The following CA12 variants were observed in gnomAD, a reference collection of about 807,000 sequenced individuals.
CA12 encodes carbonic anhydrase 12, also known as carbonate dehydratase XII.
Under a neutral mutation model 46.8 loss-of-function variants are expected in CA12, and 36 were observed. That is an observed-to-expected ratio of 0.77 (90% CI 0.59 to 1.02). CA12 has a LOEUF of 1.02. Ranked by LOEUF, CA12 falls within the 50% of genes least tolerant of loss-of-function variation. CA12 has a pLI of 0.00. For missense variants in CA12, 436 were observed against 451.4 expected (o/e 0.97, Z 0.31); for synonymous variants, 202 against 187.0 (o/e 1.08, Z -0.65).
chr15:63,355,449 C>T lies in CA12; in HGVS notation c.107-8740G>A, dbSNP rs760592826. 2.6e-5 allele frequency among the ~76,000 whole-genome samples: 4 copies of T among 152,206 alleles called. No homozygotes were observed. Among genetic ancestry groups the T allele is most frequent in the South Asian group, 2.1e-4 (1 of 4,826 alleles). On this transcript the variant is annotated intron_variant, in intron 2 of 10. Coordinates refer to ENST00000178638, the MANE Select transcript of CA12 (RefSeq NM_001218.5). The surrounding 1 kb of genome is among the most constrained non-coding windows in gnomAD (Gnocchi z 4.1). The stretch of plus-strand genomic sequence containing the variant: ...GGAACTCATTCAAAATGCAGAGTCT[C>T]GGGCCCCACCCCAGGCCTACCGAAC...
At chr15:63,338,068 T>C (rs983645925) in intron 8 of CA12, among the ~76,000 whole-genome samples, 3 of 152,178 alleles carry the variant, frequency 2.0e-5, no homozygotes, top group African/African-American at 7.2e-5. Context: ...TTTCCCCTGA[T>C]GCCCAGTTTC....
At chr15:63,338,789 C>T (rs781269581) in intron 8 of CA12, 30 bp downstream of exon 8, 20 of 1,612,870 alleles carry the variant, frequency 1.2e-5, no homozygotes, top group Middle Eastern at 1.8e-4. Context: ...CACTCCCGCA[C>T]CCCCTCCCCC....
rs180944634 is a variant in CA12 at position 63,345,723 on chromosome 15, G to A, written c.287-104C>T. ...CCTCCACCCCTGCTGCCACCCCCTGGAGCCCAGAGAGAGGCAGGTGGATGG... is the reference window on the plus strand; with the variant it reads ...CCTCCACCCCTGCTGCCACCCCCTGAAGCCCAGAGAGAGGCAGGTGGATGG... On this transcript the variant is annotated intron_variant, in intron 3 of 10. Transcript: ENST00000178638. The surrounding 1 kb of genome is among the most constrained non-coding windows in gnomAD (Gnocchi z 4.3). The A allele has an allele frequency of 1.0e-4, 147 of 1,433,692 alleles. No individual in the cohort carries two copies. The East Asian group carries it at 3.6e-3, about 35-fold the overall frequency. 88.8% of individuals were successfully genotyped at this position (1,433,692 alleles called of 1,614,324 possible).
rs889434012 is a variant in CA12, at chr15:63,329,433, C to T, written c.875-1303G>A. On this transcript the variant is annotated intron_variant, in intron 8 of 10. Coordinates refer to ENST00000178638, the MANE Select transcript of CA12 (RefSeq NM_001218.5). This position sits in a 1 kb window ranked among gnomAD's most constrained non-coding sequence, Gnocchi z 4.8. Reference sequence around the variant, plus strand: ...GAGCAGAGGATCCCAGTCATGAAGTCTCCCCTGAAAACCCTCAGCCTGTTT... The same window carrying T: ...GAGCAGAGGATCCCAGTCATGAAGTTTCCCCTGAAAACCCTCAGCCTGTTT... Among the ~76,000 whole-genome samples, 1 of 152,182 alleles carries T rather than the reference C, an allele frequency of 6.6e-6. No homozygotes were observed. The highest frequency in any genetic ancestry group is 1.5e-5 in the Non-Finnish European group (1 of 68,038).
At chr15:63,365,285 C>T (rs1045383554) in intron 2 of CA12, among the ~76,000 whole-genome samples, 1 of 152,264 alleles carries the variant, frequency 6.6e-6, no homozygotes, top group Non-Finnish European at 1.5e-5. Flanking sequence ...CAAATCTACA[C>T]TATTTACTCT....
At chr15:63,326,675 C>A (rs546005289) in intron 10 of CA12, among the ~76,000 whole-genome samples, 8 of 150,374 alleles carry the variant, frequency 5.3e-5, no homozygotes, top group South Asian at 2.1e-4. Flanking sequence ...ATTTTTCATA[C>A]CCCCCCCAAA....
At chr15:63,362,966 C>T (rs1361151825) in intron 2 of CA12, among the ~76,000 whole-genome samples, 2 of 152,136 alleles carry the variant, frequency 1.3e-5, no homozygotes, top group African/African-American at 4.8e-5. Context: ...GCTATGTGAC[C>T]TAGGGCACAT....
rs1025348117 is a variant in CA12 at position 63,354,500 on chromosome 15, G to T, written c.107-7791C>A. On this transcript the variant is annotated intron_variant, in intron 2 of 10. Coordinates refer to ENST00000178638, the MANE Select transcript of CA12 (RefSeq NM_001218.5). Reference sequence around the variant, plus strand: ...AAATCTCCCCTTGGGGAGGCAGGAGGATCAGTTGAGCCCAGGAGTTTGAGA... The same window carrying T: ...AAATCTCCCCTTGGGGAGGCAGGAGTATCAGTTGAGCCCAGGAGTTTGAGA... Among the ~76,000 whole-genome samples, 10 of 152,164 alleles carry T rather than the reference G, an allele frequency of 6.6e-5. No individual in the cohort carries two copies. The South Asian group carries it at 1.0e-3, about 16-fold the overall frequency.
In CA12 at chr15:63,328,249, T is replaced by C. The variant is rs577223337; in HGVS notation, c.875-119A>G. On this transcript the variant is annotated intron_variant, in intron 8 of 10. Coordinates refer to ENST00000178638, the MANE Select transcript of CA12 (RefSeq NM_001218.5). The surrounding 1 kb of genome is among the most constrained non-coding windows in gnomAD (Gnocchi z 5.9). Reference sequence around the variant, plus strand: ...TCTTAGGCTGACAGACCTCTAGGGATGTCCACCCTTGGCTCAGGGATTGCC... The same window carrying C: ...TCTTAGGCTGACAGACCTCTAGGGACGTCCACCCTTGGCTCAGGGATTGCC... 4 of 881,724 alleles carry C rather than the reference T, an allele frequency of 4.5e-6. No individual in the cohort carries two copies. Among genetic ancestry groups the C allele is most frequent in the African/African-American group, 1.6e-5 (1 of 61,394 alleles). 54.6% of individuals were successfully genotyped at this position (881,724 alleles called of 1,614,324 possible).
At chr15:63,346,459 G>A (rs926518391) in intron 3 of CA12, 71 bp downstream of exon 3, 3 of 1,264,350 alleles carry the variant, frequency 2.4e-6, no homozygotes, top group Non-Finnish European at 3.3e-6. Context: ...CCTGCCAGAT[G>A]GAAAAGGACA....
rs1330909735 is a variant in CA12, at chr15:63,341,190, T to C, written c.526-407A>G. 6.6e-6 allele frequency among the ~76,000 whole-genome samples: 1 copy of C among 151,828 alleles called. No homozygotes were observed. Among genetic ancestry groups the C allele is most frequent in the Non-Finnish European group, 1.5e-5 (1 of 67,986 alleles). On this transcript the variant is annotated intron_variant, in intron 5 of 10. Transcript: ENST00000178638. This position sits in a 1 kb window ranked among gnomAD's most constrained non-coding sequence, Gnocchi z 5.2. The stretch of plus-strand genomic sequence containing the variant: ...ACAGCCTCATTAGGAAAAAAAAACA[T>C]GCAAGCCAATCAGAAGACATTCCTC...
intron 2 of CA12, among the ~76,000 whole-genome samples, chr15:63,364,440 C>T (rs1218207315): frequency 2.7e-5 from 4 of 149,198 alleles, no homozygotes; most frequent in Non-Finnish European, 5.9e-5. Flanking sequence ...TATAAATGCA[C>T]ATGTGAGTAA....
chr15:63,360,888 AG>A (rs1230791493), intron 2 of CA12, among the ~76,000 whole-genome samples: 15 of 152,350 alleles, frequency 9.8e-5, no homozygotes, highest in African/African-American at 3.6e-4. Flanking sequence ...ATTGAAGGTA[AG>A]GGCTCTGTCT....
intron 10 of CA12, among the ~76,000 whole-genome samples, chr15:63,326,912 G>A (rs1377068423): frequency 6.6e-6 from 1 of 152,228 alleles, no homozygotes; most frequent in Non-Finnish European, 1.5e-5. Flanking sequence ...CAGCAAGCAA[G>A]GCACACACGC....
chr15:63,344,384 C>G (rs1347505130), intron 4 of CA12, among the ~76,000 whole-genome samples: 1 of 152,244 alleles, frequency 6.6e-6, no homozygotes, highest in Non-Finnish European at 1.5e-5. Flanking sequence ...GTGTCCTTAA[C>G]CTTGGCAAAA....
At chr15:63,358,455 G>T (rs2039319469) in intron 2 of CA12, among the ~76,000 whole-genome samples, 1 of 152,126 alleles carries the variant, frequency 6.6e-6, no homozygotes, top group African/African-American at 2.4e-5. Flanking sequence ...GGCTGCTTTT[G>T]TGACAGGCTC....
Position 63,362,042 on chromosome 15 carries a change from C to T in CA12, c.106+13616G>A, listed in dbSNP as rs534805472. 2.6e-5 allele frequency among the ~76,000 whole-genome samples: 4 copies of T among 152,210 alleles called. No homozygotes were observed. The East Asian group carries it at 5.8e-4, about 22-fold the overall frequency. On this transcript the variant is annotated intron_variant, in intron 2 of 10. Transcript: ENST00000178638. The stretch of plus-strand genomic sequence containing the variant: ...TTGGCTAACTTTTTCTGCAAAAGGC[C>T]AGAGAGTAAGTTTTTGAAGCTTTGC...
chr15:63,343,539 C>T (rs567850635), intron 4 of CA12, among the ~76,000 whole-genome samples: 2 of 152,114 alleles, frequency 1.3e-5, no homozygotes, highest in African/African-American at 4.8e-5. Context: ...TCTCAGCCTC[C>T]CAAAGTGCTG....
Position 63,357,451 on chromosome 15 carries a change from A to G in CA12, c.107-10742T>C, listed in dbSNP as rs532372704. ...TCCAAGAGCTCCTGATTTTGCTCCC[A>G]GCCCCAGTCCCTGAGATCAGGATTA... is the stretch of plus-strand genomic sequence containing the variant. On this transcript the variant is annotated intron_variant, in intron 2 of 10. Coordinates refer to ENST00000178638, the MANE Select transcript of CA12 (RefSeq NM_001218.5). 1.4e-3 allele frequency among the ~76,000 whole-genome samples: 218 copies of G among 152,312 alleles called. 1 individual carries two copies. Among genetic ancestry groups the G allele is most frequent in the African/African-American group, 5.0e-3 (208 of 41,572 alleles).
Sources: gnomAD v4.1 joint callset for allele counts (sites outside exome capture counted in the v4.1 genomes callset) on GRCh38, gnomAD v4.1.1 for gene constraint, Gnocchi (gnomAD v3.1) non-coding constraint, MANE v1.5 for transcripts, NCBI Gene and HGNC (gene_info 2026-07-23, HGNC 2026-07-21) for gene names.